KYNU: variants seen among roughly 807,000 people sequenced by gnomAD.
KYNU encodes kynureninase, also known as L-kynurenine hydrolase.
KYNU carries 54 observed loss-of-function variants against 59.2 expected under a neutral mutation model. The ratio of observed to expected loss-of-function variants is 0.91; its 90% confidence interval spans 0.73 to 1.14. The LOEUF (loss-of-function observed/expected upper bound fraction) is 1.14. KYNU is among the 50% of genes most tolerant of loss of function. The probability of loss-of-function intolerance (pLI) is 0.00; values close to 1 mark genes in which losing one functional copy is unlikely to be tolerated. For missense variants in KYNU, 567 were observed against 554.4 expected (o/e 1.02, Z -0.23); for synonymous variants, 177 against 192.0 (o/e 0.92, Z 0.65).
At chr2:142,995,573 C>CT (rs1218254149) in intron 10 of KYNU, among the ~76,000 whole-genome samples, 2 of 152,022 alleles carry the variant, frequency 1.3e-5, no homozygotes, top group Non-Finnish European at 2.9e-5. Flanking sequence ...TCTTTTTAAA[C>CT]TAAGAGTATG....
intron 10 of KYNU, among the ~76,000 whole-genome samples, chr2:142,986,262 C>T (rs151082572): frequency 8.3e-4 from 126 of 152,044 alleles, no homozygotes; most frequent in African/African-American, 3.0e-3. Flanking sequence ...AAACAAGTCA[C>T]TGCAATCATG....
At chr2:143,014,912 G>T (rs1456702604) in intron 10 of KYNU, among the ~76,000 whole-genome samples, 1 of 152,120 alleles carries the variant, frequency 6.6e-6, no homozygotes, top group Non-Finnish European at 1.5e-5. Context: ...GGTTCGTTTA[G>T]AGACAGGGTC....
chr2:143,008,030 A>C (rs1305733640), intron 10 of KYNU, among the ~76,000 whole-genome samples: 35 of 126,564 alleles, frequency 2.8e-4, no homozygotes, highest in African/African-American at 1.1e-3. Flanking sequence ...TAACATCATA[A>C]TGACAGGATC....
At chr2:142,889,322 C>T (rs894006876) in intron 2 of KYNU, among the ~76,000 whole-genome samples, 3 of 152,038 alleles carry the variant, frequency 2.0e-5, no homozygotes, top group Non-Finnish European at 2.9e-5. Context: ...GGGGACTCAG[C>T]AAGTCCTGTA....
chr2:142,902,521 C>T (rs914334341), intron 2 of KYNU, among the ~76,000 whole-genome samples: 1 of 152,100 alleles, frequency 6.6e-6, no homozygotes, highest in Non-Finnish European at 1.5e-5. Context: ...TGCCAAGGAA[C>T]CTTTTATTTG....
chr2:143,029,694 T>G lies in KYNU; in HGVS notation c.955+15T>G. On this transcript the variant is annotated intron_variant, in intron 11 of 13. Transcript: ENST00000264170. ...GATGGATAACAGTAAGTGTATTTAT[T>G]TTACCTAATGCCATTTTTATTTTAA... 1 of 1,442,558 alleles carries G rather than the reference T, an allele frequency of 6.9e-7. No individual in the cohort carries two copies. Among genetic ancestry groups the G allele is most frequent in the Non-Finnish European group, 9.8e-7 (1 of 1,023,370 alleles). 89.4% of individuals were successfully genotyped at this position (1,442,558 alleles called of 1,614,324 possible).
intron 2 of KYNU, among the ~76,000 whole-genome samples, chr2:142,904,121 T>G (rs115712718): frequency 0.018 from 2,700 of 152,354 alleles, 66 homozygotes; most frequent in African/African-American, 0.062. Flanking sequence ...AGTGATAAAC[T>G]TAACCTTTAA....
chr2:142,938,037 T>G (rs1204165173), intron 4 of KYNU, among the ~76,000 whole-genome samples: 3 of 152,186 alleles, frequency 2.0e-5, no homozygotes, highest in Admixed American at 6.5e-5. Context: ...GAACAAGGAC[T>G]TCGGTAATTT....
intron 8 of KYNU, among the ~76,000 whole-genome samples, chr2:142,979,713 C>T (rs74770199): frequency 0.016 from 2,448 of 151,954 alleles, 65 homozygotes; most frequent in African/African-American, 0.056. Context: ...GCTGGGAGGC[C>T]GAGGCATAAG....
intron 2 of KYNU, among the ~76,000 whole-genome samples, chr2:142,899,590 T>A (rs546362355): frequency 6.6e-6 from 1 of 152,196 alleles, no homozygotes. Context: ...GTAGGGGTCG[T>A]GCAATTGAGA....
At chr2:142,885,685 C>G (rs1014834825) in intron 2 of KYNU, 149 bp downstream of exon 2, 3 of 756,354 alleles carry the variant, frequency 4.0e-6, no homozygotes, top group Non-Finnish European at 6.5e-6. Context: ...CTGGTGCTCT[C>G]AATCAACCTG....
chr2:142,922,947 G>C (rs1344571562), intron 3 of KYNU, among the ~76,000 whole-genome samples: 1 of 152,206 alleles, frequency 6.6e-6, no homozygotes, highest in Non-Finnish European at 1.5e-5. Flanking sequence ...CTGACTTAGT[G>C]TCTGGTAAGG....
At chr2:142,907,158 A>G (rs1196044189) in intron 2 of KYNU, among the ~76,000 whole-genome samples, 1 of 152,160 alleles carries the variant, frequency 6.6e-6, no homozygotes, top group African/African-American at 2.4e-5. Flanking sequence ...AGAGCTCCCA[A>G]GATGATGGTG....
intron 9 of KYNU, 102 bp from the exon 10 acceptor site, chr2:142,985,846 A>C (rs1316593049): frequency 1.3e-6 from 1 of 769,218 alleles, no homozygotes; most frequent in Non-Finnish European, 2.3e-6. Flanking sequence ...TTTTGAACTG[A>C]TCAAATGTTG....
At chr2:142,926,829 CT>C (rs1470519050) in intron 3 of KYNU, among the ~76,000 whole-genome samples, 1 of 152,154 alleles carries the variant, frequency 6.6e-6, no homozygotes, top group African/African-American at 2.4e-5. Flanking sequence ...GTAAAACAGG[CT>C]GATGGTTCAA....
At chr2:143,010,735 C>A (rs1445851901) in intron 10 of KYNU, among the ~76,000 whole-genome samples, 2 of 148,278 alleles carry the variant, frequency 1.3e-5, no homozygotes, top group Admixed American at 6.7e-5. Flanking sequence ...TGGAACAGAA[C>A]AGAGCCCTCA....
At chr2:142,908,893 C>T (rs1391708949) in intron 2 of KYNU, among the ~76,000 whole-genome samples, 2 of 152,208 alleles carry the variant, frequency 1.3e-5, no homozygotes, top group African/African-American at 2.4e-5. Context: ...CTCAGCCTCC[C>T]AAAGTGCTGG....
intron 2 of KYNU, among the ~76,000 whole-genome samples, chr2:142,893,740 T>G (rs1336121675): frequency 6.6e-6 from 1 of 152,154 alleles, no homozygotes; most frequent in Non-Finnish European, 1.5e-5. Flanking sequence ...CTGGATCTGT[T>G]GTCTATTCCC....
intron 10 of KYNU, among the ~76,000 whole-genome samples, chr2:143,004,815 T>C (rs533400613): frequency 2.0e-5 from 3 of 152,288 alleles, no homozygotes; most frequent in Non-Finnish European, 4.4e-5. Context: ...CTTAAGCACT[T>C]AGAGTGATGA....
Sources: gnomAD v4.1 joint callset for allele counts (sites outside exome capture counted in the v4.1 genomes callset) on GRCh38, gnomAD v4.1.1 for gene constraint, MANE v1.5 for transcripts, NCBI Gene and HGNC (gene_info 2026-07-23, HGNC 2026-07-21) for gene names.